Variants in SLC16A10 observed in about 807,000 individuals in gnomAD.
SLC16A10 encodes the protein solute carrier family 16 member 10.
Under a neutral mutation model 40.0 loss-of-function variants are expected in SLC16A10, and 27 were observed. That is an observed-to-expected ratio of 0.67 (90% CI 0.50 to 0.93). SLC16A10 has a LOEUF of 0.93. Ranked by LOEUF, SLC16A10 falls within the 40% of genes least tolerant of loss-of-function variation. SLC16A10 has a pLI of 0.00. For synonymous variants in SLC16A10, 213 were observed against 249.8 expected (o/e 0.85, Z 1.39); for missense variants, 529 against 658.2 (o/e 0.80, Z 2.15).
At chr6:111,185,026 C>T (rs1460952927) in intron 3 of SLC16A10, among the ~76,000 whole-genome samples, 1 of 152,216 alleles carries the variant, frequency 6.6e-6, no homozygotes, top group Non-Finnish European at 1.5e-5. Flanking sequence ...GAACAGCATA[C>T]AAGCCTTCAT....
chr6:111,229,330 A>G lies in SLC16A10; in HGVS notation c.*7095A>G, dbSNP rs775172968. 9.9e-5 allele frequency: 15 copies of G among 152,212 alleles called. No homozygotes were observed. The highest frequency in any genetic ancestry group is 2.1e-4 in the South Asian group (1 of 4,834). The allele number at this position is 152,212 out of a possible 1,614,324, so 9.4% of individuals were successfully genotyped here. On this transcript the variant is annotated 3_prime_UTR_variant, in exon 6 of 6. Transcript: ENST00000368851. The stretch of plus-strand genomic sequence containing the variant: ...AGAGGTATGCAATTTTTGTTAACAT[A>G]TAAGACTTTAAATTACGAAACTCAC...
chr6:111,124,599 G>T (rs1771641675), intron 1 of SLC16A10, among the ~76,000 whole-genome samples: 1 of 152,194 alleles, frequency 6.6e-6, no homozygotes, highest in Admixed American at 6.5e-5. Context: ...CTGGGCTCGG[G>T]CCATCTGCCC....
intron 4 of SLC16A10, among the ~76,000 whole-genome samples, chr6:111,210,518 G>T (rs36049122): frequency 1.5e-4 from 23 of 152,158 alleles, no homozygotes; most frequent in Non-Finnish European, 2.2e-4. Context: ...TTCAAAAATT[G>T]AGTGCCTCCT....
At chr6:111,115,163 A>G (rs1454467965) in intron 1 of SLC16A10, among the ~76,000 whole-genome samples, 2 of 152,168 alleles carry the variant, frequency 1.3e-5, no homozygotes, top group Non-Finnish European at 2.9e-5. Context: ...GAATTAAAAG[A>G]TGGACAAGTA....
At chr6:111,117,031 G>A (rs975559670) in intron 1 of SLC16A10, among the ~76,000 whole-genome samples, 17 of 152,084 alleles carry the variant, frequency 1.1e-4, no homozygotes, top group Non-Finnish European at 2.1e-4. Flanking sequence ...TGGAAGTTGG[G>A]TTATTGAAGA....
At chr6:111,138,025 C>T (rs556032127) in intron 1 of SLC16A10, among the ~76,000 whole-genome samples, 181 of 152,322 alleles carry the variant, frequency 1.2e-3, no homozygotes, top group African/African-American at 4.2e-3. Context: ...GGGTACCCTC[C>T]CTTTGTATGG....
At chr6:111,205,776 C>A (rs1191060063) in intron 3 of SLC16A10, among the ~76,000 whole-genome samples, 1 of 152,216 alleles carries the variant, frequency 6.6e-6, no homozygotes, top group African/African-American at 2.4e-5. Context: ...GCATTTTAAT[C>A]TGTTCTAATG....
chr6:111,124,668 G>A (rs770599807), intron 1 of SLC16A10, among the ~76,000 whole-genome samples: 2 of 152,144 alleles, frequency 1.3e-5, no homozygotes, highest in Non-Finnish European at 2.9e-5. Context: ...CAGCCAGAAT[G>A]ATTTTCCTTT....
chr6:111,210,310 G>A (rs928729231), intron 4 of SLC16A10, among the ~76,000 whole-genome samples: 1 of 152,180 alleles, frequency 6.6e-6, no homozygotes, highest in African/African-American at 2.4e-5. Context: ...GCAGTCACAG[G>A]ACAGTCTGGT....
At chr6:111,221,889 TAAAA>T (rs745942838) in intron 5 of SLC16A10, 110 bp from the exon 6 acceptor site, 5 of 777,120 alleles carry the variant, frequency 6.4e-6, no homozygotes, top group Non-Finnish European at 9.5e-6. Flanking sequence ...ATCTGTTTCC[TAAAA>T]AAAAAAAAAA....
intron 4 of SLC16A10, among the ~76,000 whole-genome samples, chr6:111,214,121 T>C (rs141428980): frequency 5.2e-4 from 79 of 152,334 alleles, no homozygotes; most frequent in Non-Finnish European, 1.2e-4. Flanking sequence ...GTGCATACAC[T>C]AACTCATAGA....
intron 1 of SLC16A10, among the ~76,000 whole-genome samples, chr6:111,168,708 A>G (rs766356005): frequency 6.6e-6 from 1 of 152,200 alleles, no homozygotes; most frequent in African/African-American, 2.4e-5. Context: ...GCCAATTACT[A>G]TTGTAACAAA....
At chr6:111,155,332 G>A (rs1194148765) in intron 1 of SLC16A10, among the ~76,000 whole-genome samples, 1 of 151,416 alleles carries the variant, frequency 6.6e-6, no homozygotes, top group Non-Finnish European at 1.5e-5. Flanking sequence ...ACAGGTGCAT[G>A]CCACCGTGAC....
intron 1 of SLC16A10, among the ~76,000 whole-genome samples, chr6:111,137,227 G>A (rs901683976): frequency 3.9e-5 from 6 of 152,336 alleles, no homozygotes; most frequent in East Asian, 1.9e-4. Flanking sequence ...TCATGAGGAC[G>A]TAGTTTCCTC....
chr6:111,104,430 A>G lies in SLC16A10; in HGVS notation c.343+16335A>G, dbSNP rs1210572005. On this transcript the variant is annotated intron_variant, in intron 1 of 5. Coordinates refer to ENST00000368851, the MANE Select transcript of SLC16A10 (RefSeq NM_018593.5). ...GGTTGGACAGTGATGAAGAACACAGAAACAGCATTGATGCCTACATCTGGA... is the reference window on the plus strand; with the variant it reads ...GGTTGGACAGTGATGAAGAACACAGGAACAGCATTGATGCCTACATCTGGA... Among the ~76,000 whole-genome samples the G allele has an allele frequency of 4.6e-5, 7 of 152,236 alleles. No individual in the cohort carries two copies. The East Asian group carries it at 1.3e-3, about 29-fold the overall frequency.
intron 1 of SLC16A10, among the ~76,000 whole-genome samples, chr6:111,100,111 T>C (rs550144244): frequency 1.3e-5 from 2 of 152,198 alleles, no homozygotes; most frequent in South Asian, 4.1e-4. Flanking sequence ...TTTAAACTAC[T>C]ACATTTAAAG....
chr6:111,141,852 A>G (rs1231470039), intron 1 of SLC16A10, among the ~76,000 whole-genome samples: 18 of 152,226 alleles, frequency 1.2e-4, no homozygotes, highest in South Asian at 2.1e-4. Context: ...AGACTCAGTA[A>G]TGTCAAGATG....
intron 1 of SLC16A10, among the ~76,000 whole-genome samples, chr6:111,113,840 T>C (rs776283700): frequency 2.6e-5 from 4 of 152,188 alleles, no homozygotes; most frequent in Admixed American, 6.5e-5. Flanking sequence ...GCCTGTCTTA[T>C]GATGATGCTG....
intron 5 of SLC16A10, 81 bp from the exon 6 acceptor site, chr6:111,221,922 C>T: frequency 1.5e-6 from 2 of 1,318,950 alleles, no homozygotes; most frequent in East Asian, 2.7e-5. Context: ...TCTGAGATGT[C>T]TGAATCAGTC....
Sources: gnomAD v4.1 joint callset for allele counts (sites outside exome capture counted in the v4.1 genomes callset) on GRCh38, gnomAD v4.1.1 for gene constraint, MANE v1.5 for transcripts, NCBI Gene and HGNC (gene_info 2026-07-23, HGNC 2026-07-21) for gene names.